The following RBM20 variants were observed in gnomAD, a reference collection of about 807,000 sequenced individuals.
RBM20 encodes the protein RNA-binding protein 20.
A neutral mutation model predicts 110.1 loss-of-function variants in RBM20; 51 were observed. The observed-to-expected ratio is 0.46, with a 90% CI of 0.37 to 0.59. RBM20 has a LOEUF of 0.59. Ranked by LOEUF, RBM20 falls within the 20% of genes least tolerant of loss-of-function variation. The pLI is 0.00. For synonymous variants in RBM20, 589 were observed against 618.2 expected (o/e 0.95, Z 0.70); for missense variants, 1,512 against 1,574.9 (o/e 0.96, Z 0.68).
At chr10:110,777,792 A>AG (rs1278778719) in intron 1 of RBM20, among the ~76,000 whole-genome samples, 1 of 152,172 alleles carries the variant, frequency 6.6e-6, no homozygotes, top group Non-Finnish European at 1.5e-5. Flanking sequence ...TAGAAAATAG[A>AG]GCTGACTTCT....
At chr10:110,798,109 C>T (rs1486799800) in intron 6 of RBM20, among the ~76,000 whole-genome samples, 1 of 152,130 alleles carries the variant, frequency 6.6e-6, no homozygotes, top group Non-Finnish European at 1.5e-5. Flanking sequence ...CCCTTTGTCT[C>T]ACAGCAGGAG....
intron 9 of RBM20, among the ~76,000 whole-genome samples, chr10:110,819,628 C>G (rs1844883014): frequency 6.6e-6 from 1 of 152,152 alleles, no homozygotes; most frequent in African/African-American, 2.4e-5. Flanking sequence ...CTGACTGTGC[C>G]CTTTCTACCT....
chr10:110,671,016 C>T (rs1374392085), intron 1 of RBM20, among the ~76,000 whole-genome samples: 7 of 152,308 alleles, frequency 4.6e-5, no homozygotes, highest in Admixed American at 6.5e-5. Context: ...ATGGCATTGG[C>T]GCTGCCAAAG....
chr10:110,820,014 T>G lies in RBM20; in HGVS notation c.2551-58T>G, dbSNP rs1590700708. ...CCTGCATTCAATATCATTCTTTTTT[T>G]CTTCTCCCTGTCACTGCTCACTGTT... On this transcript the variant is annotated intron_variant, in intron 9 of 13. Coordinates refer to ENST00000369519, the MANE Select transcript of RBM20 (RefSeq NM_001134363.3). The G allele has an allele frequency of 5.4e-6, 6 of 1,109,910 alleles. No individual in the cohort carries two copies. In the East Asian group the frequency reaches 1.6e-4, roughly 30 times the overall value. The allele number at this position is 1,109,910 out of a possible 1,614,324, so 68.8% of individuals were successfully genotyped here. A position where few individuals can be genotyped will look rare whatever the true frequency, so the allele number is the denominator to read the frequency against.
At chr10:110,730,029 G>C (rs1017270164) in intron 1 of RBM20, among the ~76,000 whole-genome samples, 17 of 152,074 alleles carry the variant, frequency 1.1e-4, no homozygotes, top group Non-Finnish European at 2.2e-4. Flanking sequence ...TGTTGGTTAG[G>C]CTGGTCTCAA....
intron 9 of RBM20, among the ~76,000 whole-genome samples, chr10:110,819,793 C>T (rs1157979277): frequency 6.6e-6 from 1 of 152,170 alleles, no homozygotes; most frequent in African/African-American, 2.4e-5. Flanking sequence ...GGTATTTCTG[C>T]CCCCTAAAGA....
intron 1 of RBM20, among the ~76,000 whole-genome samples, chr10:110,720,155 T>A (rs1422707447): frequency 6.6e-6 from 1 of 152,190 alleles, no homozygotes; most frequent in Non-Finnish European, 1.5e-5. Flanking sequence ...ACAATGCAGG[T>A]GAGATGCCAA....
intron 1 of RBM20, among the ~76,000 whole-genome samples, chr10:110,662,061 T>G (rs1862112787): frequency 6.6e-6 from 1 of 151,862 alleles, no homozygotes; most frequent in Non-Finnish European, 1.5e-5. Context: ...ATATGCTGTC[T>G]AATCCCAGCT....
At chr10:110,648,316 A>C (rs1050480535) in intron 1 of RBM20, among the ~76,000 whole-genome samples, 2 of 152,214 alleles carry the variant, frequency 1.3e-5, no homozygotes, top group Non-Finnish European at 2.9e-5. Context: ...AAATGTTGTA[A>C]GTAGCAACTC....
intron 1 of RBM20, among the ~76,000 whole-genome samples, chr10:110,733,337 G>A (rs1015941744): frequency 9.9e-5 from 15 of 152,184 alleles, no homozygotes; most frequent in African/African-American, 3.6e-4. Flanking sequence ...CCCTGGCGGG[G>A]GATGTGTAAT....
At chr10:110,667,337 G>C (rs1384829995) in intron 1 of RBM20, among the ~76,000 whole-genome samples, 8 of 152,200 alleles carry the variant, frequency 5.3e-5, no homozygotes, top group Admixed American at 2.0e-4. Context: ...GGGACCTTGG[G>C]CCACCTTGCC....
At chr10:110,761,483 C>A (rs1041839056) in intron 1 of RBM20, among the ~76,000 whole-genome samples, 1 of 126,478 alleles carries the variant, frequency 7.9e-6, no homozygotes, top group Non-Finnish European at 1.8e-5. Context: ...TCCTTAAGTT[C>A]CTGTGTACTT....
intron 1 of RBM20, among the ~76,000 whole-genome samples, chr10:110,746,043 G>C (rs1049628054): frequency 1.3e-5 from 2 of 152,128 alleles, no homozygotes; most frequent in Non-Finnish European, 2.9e-5. Flanking sequence ...GTTGCCTTCA[G>C]CTGTTCTTGC....
At chr10:110,733,069 GTC>G (rs1285770307) in intron 1 of RBM20, among the ~76,000 whole-genome samples, 18 of 152,114 alleles carry the variant, frequency 1.2e-4, no homozygotes, top group Non-Finnish European at 1.5e-5. Flanking sequence ...TTCCCTTTCT[GTC>G]TCTGTCTCAG....
chr10:110,797,979 C>A (rs1844573598), intron 6 of RBM20, among the ~76,000 whole-genome samples: 1 of 152,140 alleles, frequency 6.6e-6, no homozygotes, highest in Admixed American at 6.5e-5. Flanking sequence ...TGTTGTCAAC[C>A]CCCCTGAGCT....
chr10:110,696,063 G>T (rs942814087), intron 1 of RBM20, among the ~76,000 whole-genome samples: 1 of 152,162 alleles, frequency 6.6e-6, no homozygotes, highest in African/African-American at 2.4e-5. Flanking sequence ...GAGCCAATCA[G>T]TCTCCTTAGT....
chr10:110,802,533 A>G (rs953283214), intron 7 of RBM20, among the ~76,000 whole-genome samples: 3 of 152,182 alleles, frequency 2.0e-5, no homozygotes, highest in Non-Finnish European at 2.9e-5. Flanking sequence ...TTCCCAGTAG[A>G]GCTTTGGTCT....
At chr10:110,818,301 A>AAAC (rs1564663262) in intron 9 of RBM20, among the ~76,000 whole-genome samples, 3 of 151,166 alleles carry the variant, frequency 2.0e-5, no homozygotes, top group Admixed American at 6.6e-5. Context: ...CAAAAAAAAA[A>AAAC]AAAAAACCAA....
At chr10:110,681,044 T>C (rs1197526512) in intron 1 of RBM20, among the ~76,000 whole-genome samples, 1 of 152,244 alleles carries the variant, frequency 6.6e-6, no homozygotes, top group East Asian at 1.9e-4. Flanking sequence ...TAGGGGGCAC[T>C]TGCTTGATAG....
Sources: gnomAD v4.1 joint callset for allele counts (sites outside exome capture counted in the v4.1 genomes callset) on GRCh38, gnomAD v4.1.1 for gene constraint, MANE v1.5 for transcripts, NCBI Gene and HGNC (gene_info 2026-07-23, HGNC 2026-07-21) for gene names.